The following YTHDC2 variants were observed in gnomAD, a reference collection of about 807,000 sequenced individuals.
YTHDC2 encodes YTH N6-methyladenosine RNA binding protein C2.
YTHDC2 carries 45 observed loss-of-function variants against 174.9 expected under a neutral mutation model. The ratio of observed to expected loss-of-function variants is 0.26; its 90% CI spans 0.20 to 0.33. YTHDC2 has a LOEUF of 0.33. Ranked by LOEUF, YTHDC2 falls within the 10% of genes least tolerant of loss-of-function variation. The probability of loss-of-function intolerance (pLI) is 1.00; values close to 1 mark genes in which losing one functional copy is unlikely to be tolerated. For synonymous variants in YTHDC2, 657 were observed against 574.5 expected (o/e 1.14, Z -2.05); for missense variants, 1,650 against 1,723.7 (o/e 0.96, Z 0.76).
chr5:113,559,996 G>C (rs1776851713), intron 17 of YTHDC2, among the ~76,000 whole-genome samples: 1 of 152,184 alleles, frequency 6.6e-6, no homozygotes, highest in African/African-American at 2.4e-5. Flanking sequence ...TATTATGACA[G>C]TGTTTTGAGA....
Position 113,567,702 on chromosome 5 carries a change from G to T in YTHDC2, c.3097G>T (p.Asp1033Tyr). The change falls in exon 23 of 30, where the codon GAT becomes TAT. Residue 1033 changes from aspartate to tyrosine, a missense_variant. Physicochemically the swap from Asp to Tyr is radical, Grantham distance 160 (BLOSUM62 -3). Transcript: ENST00000161863. ...QAAAIKALPT[D>Y]WLIYDEMTRA... ...TGCAGCAATTAAGGCACTGCCCACA[G>T]ATTGGCTTATTTATGATGAAATGAC... 1 of 1,608,380 alleles carries T rather than the reference G, an allele frequency of 6.2e-7. No homozygotes were observed. The highest frequency in any genetic ancestry group is 8.5e-7 in the Non-Finnish European group (1 of 1,177,728).
chr5:113,533,205 G>T (rs1031584341), intron 5 of YTHDC2, among the ~76,000 whole-genome samples, 160 bp downstream of exon 5: 2 of 152,156 alleles, frequency 1.3e-5, no homozygotes, highest in Non-Finnish European at 2.9e-5. Flanking sequence ...ATCTAGAGTA[G>T]TATTGAATGA....
At chr5:113,523,030 A>G (rs1418568376) in intron 2 of YTHDC2, among the ~76,000 whole-genome samples, 1 of 152,080 alleles carries the variant, frequency 6.6e-6, no homozygotes, top group African/African-American at 2.4e-5. Context: ...GAAGGTTTCA[A>G]TCTAACTTAT....
At chr5:113,523,371 G>A (rs1447346785) in intron 2 of YTHDC2, among the ~76,000 whole-genome samples, 1 of 151,978 alleles carries the variant, frequency 6.6e-6, no homozygotes, top group Non-Finnish European at 1.5e-5. Context: ...CATTTGCTCT[G>A]GTGCTCAGTT....
chr5:113,522,947 G>A (rs536476777), intron 2 of YTHDC2, among the ~76,000 whole-genome samples: 1 of 151,968 alleles, frequency 6.6e-6, no homozygotes, highest in Non-Finnish European at 1.5e-5. Flanking sequence ...AATGGTAATG[G>A]CTAAGTAGTC....
At chr5:113,551,575 G>A (rs1776254344) in intron 12 of YTHDC2, among the ~76,000 whole-genome samples, 1 of 152,048 alleles carries the variant, frequency 6.6e-6, no homozygotes, top group South Asian at 2.1e-4. Flanking sequence ...ATGGACACAG[G>A]GAGGGGAACA....
chr5:113,582,977 T>C (rs1778484184), intron 25 of YTHDC2: 1 of 152,166 alleles, frequency 6.6e-6, no homozygotes, highest in Admixed American at 6.5e-5. Flanking sequence ...TTGAAAATAT[T>C]GTTCTAGAAT....
intron 12 of YTHDC2, among the ~76,000 whole-genome samples, chr5:113,551,170 A>T (rs1000167171): frequency 3.3e-5 from 5 of 152,100 alleles, no homozygotes; most frequent in African/African-American, 1.2e-4. Flanking sequence ...GCTATTTCTG[A>T]TATGGTAGGT....
Position 113,541,088 on chromosome 5 carries a change from A to C in YTHDC2, c.1331A>C (p.Asp444Ala). The change falls in exon 9 of 30, where the codon GAT becomes GCT. Residue 444 changes from aspartate (D) to alanine (A), a missense_variant. Around this residue, in one of 5 missense-constraint regions of YTHDC2, gnomAD observed 411 missense variants for 380.6 expected, o/e 1.08. Transcript: ENST00000161863. The stretch of plus-strand genomic sequence containing the variant: ...ACTGATGAGTATGACTTACTGGATG[A>C]TGGTGGTGATGCTGTCTTCAGTCAG... ...NVTDEYDLLD[D>A]GGDAVFSQLT... The C allele has an allele frequency of 6.2e-7, 1 of 1,614,046 alleles. No homozygotes were observed. Among genetic ancestry groups the C allele is most frequent in the Non-Finnish European group, 8.5e-7 (1 of 1,179,968 alleles).
At chr5:113,544,737 C>A (rs917584734) in intron 10 of YTHDC2, among the ~76,000 whole-genome samples, 2 of 149,942 alleles carry the variant, frequency 1.3e-5, no homozygotes, top group Non-Finnish European at 3.0e-5. Flanking sequence ...TTCAACTGTT[C>A]TTTAATATAA....
At position 113,563,599 on chromosome 5, in the gene YTHDC2, C is replaced by G; in HGVS notation, c.2442+107C>G. 14 of 1,257,800 alleles carry G rather than the reference C, an allele frequency of 1.1e-5. No homozygotes were observed. The South Asian group carries it at 2.2e-4, about 20-fold the overall frequency. The allele number at this position is 1,257,800 out of a possible 1,614,324, so 77.9% of individuals were successfully genotyped here. A position where few individuals can be genotyped will look rare whatever the true frequency, so the allele number is the denominator to read the frequency against. ...TGTATAATTATTTTTTATTTTTGTCCTCCTGCATGTGTCCAGATAAACTAA... is the reference window on the plus strand; with the variant it reads ...TGTATAATTATTTTTTATTTTTGTCGTCCTGCATGTGTCCAGATAAACTAA... On this transcript the variant is annotated intron_variant, in intron 19 of 29. Coordinates refer to ENST00000161863, the MANE Select transcript of YTHDC2 (RefSeq NM_022828.5).
rs1310857412 is a variant in YTHDC2, at chr5:113,582,773, T to C, written c.3647+1064T>C. The C allele has an allele frequency of 3.3e-5, 5 of 152,280 alleles. No individual in the cohort carries two copies. In the South Asian group the frequency reaches 1.0e-3, roughly 32 times the overall value. The allele number at this position is 152,280 out of a possible 1,614,324, so 9.4% of individuals were successfully genotyped here. A position where few individuals can be genotyped will look rare whatever the true frequency, so the allele number is the denominator to read the frequency against. ...ATTTGAATGAAATATAAAGGCTTAA[T>C]ATCATTTAAGCCTTTAAAGAGGAAT... On this transcript the variant is annotated intron_variant, in intron 25 of 29. Coordinates refer to ENST00000161863, the MANE Select transcript of YTHDC2 (RefSeq NM_022828.5).
chr5:113,524,643 C>G (rs576284541), intron 2 of YTHDC2, among the ~76,000 whole-genome samples: 2 of 151,972 alleles, frequency 1.3e-5, no homozygotes, highest in African/African-American at 4.8e-5. Flanking sequence ...TTGATTTTCC[C>G]CCTCTGTATG....
chr5:113,529,273 ATCTAC>A (rs1166430843), intron 4 of YTHDC2, among the ~76,000 whole-genome samples: 1 of 152,194 alleles, frequency 6.6e-6, no homozygotes, highest in African/African-American at 2.4e-5. Flanking sequence ...ACGGATGTTA[ATCTAC>A]TCTAGTTAAC....
At position 113,592,111 on chromosome 5, in the gene YTHDC2, A is replaced by C; in HGVS notation, c.4145A>C (p.Gln1382Pro). ...ATACGAAAAGAAAGCCTTCCCTTTCAATTTGCACACCATTTACTCAATCCA... is the reference window on the plus strand; with the variant it reads ...ATACGAAAAGAAAGCCTTCCCTTTCCATTTGCACACCATTTACTCAATCCA... ...EWIRKESLPF[Q>P]FAHHLLNPWN... The change falls in exon 28 of 30, where the codon CAA becomes CCA. Residue 1382 changes from glutamine to proline, a missense_variant. Physicochemically the swap from Gln to Pro is moderately conservative, Grantham distance 76. Coordinates refer to ENST00000161863, the MANE Select transcript of YTHDC2 (RefSeq NM_022828.5). The C allele has an allele frequency of 6.2e-7, 1 of 1,613,326 alleles. No homozygotes were observed. Among genetic ancestry groups the C allele is most frequent in the Non-Finnish European group, 8.5e-7 (1 of 1,179,612 alleles).
At chr5:113,560,853 G>A (rs960813668) in intron 17 of YTHDC2, among the ~76,000 whole-genome samples, 11 of 152,176 alleles carry the variant, frequency 7.2e-5, no homozygotes, top group African/African-American at 2.7e-4. Flanking sequence ...CCTACAAGAT[G>A]TATCAGGTAG....
chr5:113,534,500 A>G (rs1444103433), intron 6 of YTHDC2, 93 bp downstream of exon 6: 5 of 1,075,626 alleles, frequency 4.6e-6, no homozygotes, highest in African/African-American at 3.1e-5. Context: ...AAATTTAAAT[A>G]CATAATTACA....
chr5:113,525,256 A>G, intron 3 of YTHDC2, 79 bp downstream of exon 3: 1 of 1,193,910 alleles, frequency 8.4e-7, no homozygotes, highest in Non-Finnish European at 1.1e-6. Context: ...TTTATTTTCG[A>G]AAACCAAGAT....
rs201687768 is a variant in YTHDC2 at position 113,591,140 on chromosome 5, A to G, written c.3925A>G (p.Ile1309Val). Residue 1309 changes from isoleucine (I) to valine (V), a missense_variant, in exon 27 of 30, where the codon ATC becomes GTC. Ile to Val is a conservative substitution (Grantham distance 29). Coordinates refer to ENST00000161863, the MANE Select transcript of YTHDC2 (RefSeq NM_022828.5). ...RNLEISQQKGIWSTTPSNERK... is the reference protein window; with the variant it reads ...RNLEISQQKGVWSTTPSNERK... ...CCTTGAAATTTCTCAACAGAAGGGT[A>G]TCTGGTCTACAACTCCTAGTAATGA... is the stretch of plus-strand genomic sequence containing the variant. 8.7e-6 allele frequency: 14 copies of G among 1,614,006 alleles called. No individual in the cohort carries two copies. The East Asian group carries it at 2.2e-4, about 26-fold the overall frequency.
Sources: allele counts gnomAD v4.1 joint callset (sites outside exome capture counted in the v4.1 genomes callset), GRCh38; gene constraint gnomAD v4.1.1; regional missense constraint gnomAD v4.1.1; transcripts MANE v1.5; gene names NCBI Gene and HGNC (gene_info 2026-07-23, HGNC 2026-07-21).